The following COMMD10 variants were observed in gnomAD, a reference collection of about 807,000 sequenced individuals.
The protein encoded by COMMD10 is COMM domain containing 10.
COMMD10 carries 33 observed loss-of-function variants against 28.9 expected under a neutral mutation model. The ratio of observed to expected loss-of-function variants is 1.14; its 90% CI spans 0.87 to 1.53. The LOEUF is 1.53. Among genes scored for constraint, COMMD10 ranks in the 40% most tolerant of loss-of-function variants. The pLI is 0.00. For synonymous variants in COMMD10, 110 were observed against 81.7 expected, an observed-to-expected ratio of 1.35 and a Z score of -1.87; for missense variants, 310 against 233.4, an observed-to-expected ratio of 1.33 and a Z score of -2.14.
At chr5:116,257,653 T>A (rs1028804320) in intron 5 of COMMD10, among the ~76,000 whole-genome samples, 38 of 151,726 alleles carry the variant, frequency 2.5e-4, no homozygotes, top group Non-Finnish European at 5.9e-5. Flanking sequence ...AAACTTCATG[T>A]TCTTTTTTGT....
At chr5:116,089,927 C>G (rs1288873811) in intron 2 of COMMD10, among the ~76,000 whole-genome samples, 2 of 152,160 alleles carry the variant, frequency 1.3e-5, no homozygotes, top group African/African-American at 2.4e-5. Flanking sequence ...GATCTGCCTA[C>G]TTTCATTTAT....
chr5:116,184,327 T>C (rs867286220), intron 5 of COMMD10, among the ~76,000 whole-genome samples: 1,923 of 135,692 alleles, frequency 0.014, 40 homozygotes, highest in African/African-American at 0.048. Flanking sequence ...TTTTTTTTTT[T>C]CTCAAGGTCT....
At chr5:116,131,507 A>C (rs1444926736) in intron 4 of COMMD10, among the ~76,000 whole-genome samples, 1 of 151,992 alleles carries the variant, frequency 6.6e-6, no homozygotes, top group Admixed American at 6.6e-5. Flanking sequence ...AGCCAAGTGG[A>C]AATACAACTT....
At chr5:116,165,975 AT>A (rs1243210858) in intron 5 of COMMD10, among the ~76,000 whole-genome samples, 1 of 152,142 alleles carries the variant, frequency 6.6e-6, no homozygotes, top group African/African-American at 2.4e-5. Flanking sequence ...GTCAAATCAC[AT>A]TTGGTAACAT....
chr5:116,266,446 TG>T (rs1750586113), intron 5 of COMMD10, among the ~76,000 whole-genome samples: 2 of 151,712 alleles, frequency 1.3e-5, no homozygotes, highest in South Asian at 4.1e-4. Context: ...ATGAAAATAT[TG>T]TAAAATATTT....
At chr5:116,161,164 A>G (rs748314369) in intron 5 of COMMD10, among the ~76,000 whole-genome samples, 1 of 152,092 alleles carries the variant, frequency 6.6e-6, no homozygotes, top group Non-Finnish European at 1.5e-5. Context: ...TAAATGTCTG[A>G]AAACTACTGA....
chr5:116,152,361 C>A (rs183726822), intron 5 of COMMD10, among the ~76,000 whole-genome samples: 1 of 151,998 alleles, frequency 6.6e-6, no homozygotes, highest in East Asian at 1.9e-4. Flanking sequence ...GATTTTTTTT[C>A]ACAGTGACCT....
intron 5 of COMMD10, among the ~76,000 whole-genome samples, chr5:116,288,218 T>C (rs991475521): frequency 3.3e-5 from 5 of 151,850 alleles, no homozygotes; most frequent in South Asian, 4.1e-4. Flanking sequence ...TCCTGATTAA[T>C]AGTTTTTTTG....
chr5:116,216,893 T>C lies in COMMD10; in HGVS notation c.511-74624T>C, dbSNP rs555578368. On this transcript the variant is annotated intron_variant, in intron 5 of 6. Transcript: ENST00000274458. ...ATCATATCAATTCTAAATTACAGTT[T>C]AGTTAACATTTTTTAACCTGTTCTT... Among the ~76,000 whole-genome samples, 76 of 152,288 alleles carry C rather than the reference T, an allele frequency of 5.0e-4. 1 individual carries two copies. The highest frequency in any genetic ancestry group is 1.5e-3 in the African/African-American group (61 of 41,552).
chr5:116,177,120 A>G (rs2112590374), intron 5 of COMMD10, among the ~76,000 whole-genome samples: 1 of 152,198 alleles, frequency 6.6e-6, no homozygotes, highest in Middle Eastern at 3.4e-3. Context: ...AGCATGTTCT[A>G]GATCACGTAC....
chr5:116,155,945 A>G (rs925258762), intron 5 of COMMD10, among the ~76,000 whole-genome samples: 1 of 152,100 alleles, frequency 6.6e-6, no homozygotes, highest in African/African-American at 2.4e-5. Flanking sequence ...TTGAGGTCCT[A>G]CAATTTTTGA....
chr5:116,193,500 A>G (rs1019342442), intron 5 of COMMD10, among the ~76,000 whole-genome samples: 4 of 152,218 alleles, frequency 2.6e-5, no homozygotes, highest in Admixed American at 6.5e-5. Context: ...ATGCAAATGG[A>G]CACCAAAAGC....
intron 5 of COMMD10, among the ~76,000 whole-genome samples, chr5:116,286,058 A>G (rs1461379708): frequency 1.3e-5 from 2 of 151,740 alleles, no homozygotes; most frequent in Admixed American, 6.6e-5. Flanking sequence ...TGATCTGTTC[A>G]TATTTTCTAT....
chr5:116,279,122 G>C (rs1246510374), intron 5 of COMMD10, among the ~76,000 whole-genome samples: 5 of 151,630 alleles, frequency 3.3e-5, no homozygotes, highest in African/African-American at 1.2e-4. Flanking sequence ...GAGAACACAA[G>C]AGACAACATG....
intron 5 of COMMD10, among the ~76,000 whole-genome samples, chr5:116,259,757 C>G (rs1381993094): frequency 3.3e-5 from 5 of 151,808 alleles, no homozygotes; most frequent in South Asian, 2.1e-4. Context: ...ACCTGGGTTT[C>G]GGACTACATT....
At chr5:116,098,470 A>G (rs1420897797) in intron 4 of COMMD10, among the ~76,000 whole-genome samples, 1 of 152,224 alleles carries the variant, frequency 6.6e-6, no homozygotes, top group African/African-American at 2.4e-5. Context: ...ATATTTGGGA[A>G]ACAAAAAATT....
intron 4 of COMMD10, among the ~76,000 whole-genome samples, chr5:116,108,401 TG>T (rs1750915377): frequency 6.6e-6 from 1 of 151,038 alleles, no homozygotes; most frequent in Non-Finnish European, 1.5e-5. Flanking sequence ...ACTGGCAGTC[TG>T]GCTGCAGTGG....
At chr5:116,237,539 A>G (rs548039061) in intron 5 of COMMD10, among the ~76,000 whole-genome samples, 26 of 152,230 alleles carry the variant, frequency 1.7e-4, no homozygotes, top group Admixed American at 1.4e-3. Context: ...GCCAAGCGCA[A>G]TGGCACATGC....
chr5:116,179,247 T>C (rs1747862520), intron 5 of COMMD10, among the ~76,000 whole-genome samples: 1 of 152,148 alleles, frequency 6.6e-6, no homozygotes, highest in Non-Finnish European at 1.5e-5. Flanking sequence ...GTATTAAGAC[T>C]ATAAGTGTTG....
Sources: allele counts gnomAD v4.1 joint callset (sites outside exome capture counted in the v4.1 genomes callset), GRCh38; gene constraint gnomAD v4.1.1; transcripts MANE v1.5; gene names NCBI Gene and HGNC (gene_info 2026-07-23, HGNC 2026-07-21).